The following SCNN1G variants were observed in gnomAD, a reference collection of about 807,000 sequenced individuals.
The protein encoded by SCNN1G is epithelial sodium channel subunit gamma.
In SCNN1G, 27 loss-of-function variants were observed where a neutral mutation model predicts 64.6. That is an observed-to-expected ratio of 0.42 (90% confidence interval 0.31 to 0.58). The LOEUF is 0.58. Among genes scored for constraint, SCNN1G ranks in the 20% least tolerant of loss-of-function variants. The probability of loss-of-function intolerance (pLI) is 0.18; values close to 1 mark genes in which losing one functional copy is unlikely to be tolerated. For synonymous variants in SCNN1G, 330 were observed against 314.2 expected (o/e 1.05, Z -0.53); for missense variants, 743 against 823.4 (o/e 0.90, Z 1.19).
rs1338749970 is a variant in SCNN1G, at chr16:23,212,865, C to A, written c.1402C>A (p.Leu468Met). The A allele has an allele frequency of 8.7e-6, 14 of 1,614,068 alleles. No individual in the cohort carries two copies. In the East Asian group the frequency reaches 3.1e-4, roughly 36 times the overall value. The change falls in exon 10 of 13, where the codon CTG (leucine) becomes ATG (methionine). Residue 468 changes from leucine to methionine, a missense_variant. By Grantham distance (15) the Leu-to-Met change is conservative. Coordinates refer to ENST00000300061, the MANE Select transcript of SCNN1G (RefSeq NM_001039.4). Reference protein sequence around the residue: ...SFKEWTLTTSLAQWPSVVSEK... With the variant: ...SFKEWTLTTSMAQWPSVVSEK... Reference sequence around the variant, plus strand: ...TAAAGAGTGGACACTAACCACAAGCCTGGCACAATGGCCATCTGTGGTTTC... The same window carrying A: ...TAAAGAGTGGACACTAACCACAAGCATGGCACAATGGCCATCTGTGGTTTC...
At chr16:23,183,855 AAGGGACTCCT>A (rs1959561824) in intron 1 of SCNN1G, among the ~76,000 whole-genome samples, 1 of 152,176 alleles carries the variant, frequency 6.6e-6, no homozygotes, top group Non-Finnish European at 1.5e-5. Flanking sequence ...TTAGTCGTTA[AAGGGACTCCT>A]AGGTGCAAAT....
chr16:23,204,350 G>GAT (rs1959956005), intron 6 of SCNN1G, among the ~76,000 whole-genome samples: 1 of 122,434 alleles, frequency 8.2e-6, no homozygotes. Context: ...GAGAGAGAGA[G>GAT]AGAGAGAGAG....
chr16:23,185,603 G>A (rs1341206085), intron 1 of SCNN1G, among the ~76,000 whole-genome samples: 3 of 152,182 alleles, frequency 2.0e-5, no homozygotes, highest in Non-Finnish European at 4.4e-5. Flanking sequence ...GAAACATTAA[G>A]AGCTTGACTG....
intron 3 of SCNN1G, among the ~76,000 whole-genome samples, chr16:23,190,733 C>T (rs1212748247): frequency 6.0e-5 from 9 of 150,854 alleles, no homozygotes; most frequent in Non-Finnish European, 1.0e-4. Flanking sequence ...AAGAAAAAGA[C>T]GGACAATAAA....
intron 4 of SCNN1G, among the ~76,000 whole-genome samples, chr16:23,192,892 G>A (rs759935140): frequency 6.6e-6 from 1 of 151,030 alleles, no homozygotes; most frequent in Non-Finnish European, 1.5e-5. Context: ...AACATAGCGA[G>A]ACCCCGTCTC....
At chr16:23,203,718 C>T (rs188075703) in intron 6 of SCNN1G, among the ~76,000 whole-genome samples, 1 of 124,886 alleles carries the variant, frequency 8.0e-6, no homozygotes, top group African/African-American at 3.0e-5. Flanking sequence ...TGCGGTGAGC[C>T]GAGATCATGC....
At chr16:23,185,698 A>T (rs1179635808) in intron 1 of SCNN1G, among the ~76,000 whole-genome samples, 1 of 152,206 alleles carries the variant, frequency 6.6e-6, no homozygotes, top group Non-Finnish European at 1.5e-5. Flanking sequence ...CAGGAACATG[A>T]TCTAAGGTGG....
At chr16:23,184,653 C>T (rs745342000) in intron 1 of SCNN1G, among the ~76,000 whole-genome samples, 56 of 152,126 alleles carry the variant, frequency 3.7e-4, no homozygotes, top group Non-Finnish European at 7.2e-4. Flanking sequence ...TCCTTTCCAT[C>T]TGAGGCCTTA....
In SCNN1G at chr16:23,216,479, G is replaced by A. The variant is rs1218920867; in HGVS notation, c.*1010G>A. 6.6e-6 allele frequency: 1 copy of A among 152,232 alleles called. No individual in the cohort carries two copies. Among genetic ancestry groups the A allele is most frequent in the East Asian group, 1.9e-4 (1 of 5,178 alleles). The allele number at this position is 152,232 out of a possible 1,614,324, so 9.4% of individuals were successfully genotyped here. On this transcript the variant is annotated 3_prime_UTR_variant, in exon 13 of 13. Coordinates refer to ENST00000300061, the MANE Select transcript of SCNN1G (RefSeq NM_001039.4). ...TCTTTCCACCTGAAATGGCTAACAG[G>A]TATTAAATCCTTGGTTGGTGTTTAA...
chr16:23,202,054 C>G (rs1596770832), intron 6 of SCNN1G, among the ~76,000 whole-genome samples: 1 of 152,272 alleles, frequency 6.6e-6, no homozygotes, highest in Admixed American at 6.5e-5. Context: ...TGGCCTCAAA[C>G]AGTCCTCCCA....
At chr16:23,204,344 G>GAGAT (rs1555474962) in intron 6 of SCNN1G, among the ~76,000 whole-genome samples, 20 of 110,806 alleles carry the variant, frequency 1.8e-4, no homozygotes, top group Non-Finnish European at 3.5e-4. Flanking sequence ...TAGAGAGAGA[G>GAGAT]AGAGAGAGAG....
At position 23,212,739 on chromosome 16, in the gene SCNN1G, G is replaced by C. The variant is rs1378588206; in HGVS notation, c.1356G>C (p.Val452=). 11 of 1,614,206 alleles carry C rather than the reference G, an allele frequency of 6.8e-6. No homozygotes were observed. Among genetic ancestry groups the C allele is most frequent in the Middle Eastern group, 1.6e-4 (1 of 6,062 alleles). The change falls in exon 9 of 13, where the codon GTG becomes GTC. Residue 452 remains valine, a synonymous_variant. Transcript: ENST00000300061. Reference sequence around the variant, plus strand: ...AGGAAGAGCTGGGCTGCCAGTCTGTGTGCAAGGAAGCCTGCAGGTATGTGG... The same window carrying C: ...AGGAAGAGCTGGGCTGCCAGTCTGTCTGCAAGGAAGCCTGCAGGTATGTGG... The part of the protein sequence containing the change: ...FVQEELGCQS[V]CKEACSFKEW...
At chr16:23,206,509 G>A (rs8044686) in intron 6 of SCNN1G, among the ~76,000 whole-genome samples, 53,841 of 151,972 alleles carry the variant, frequency 0.35, 10,232 homozygotes, top group East Asian at 0.72. Context: ...TAGCACTTTG[G>A]GAGGCTGAGG....
chr16:23,202,209 A>G (rs1412348294), intron 6 of SCNN1G, among the ~76,000 whole-genome samples: 2 of 147,800 alleles, frequency 1.4e-5, no homozygotes, highest in Non-Finnish European at 3.0e-5. Flanking sequence ...TTCTTAGAAC[A>G]TAACAGATCC....
rs955673739 is a variant in SCNN1G at position 23,192,483 on chromosome 16, C to T, written c.750C>T (p.Ser250=). 3 of 1,613,232 alleles carry T rather than the reference C, an allele frequency of 1.9e-6. No homozygotes were observed. Among genetic ancestry groups the T allele is most frequent in the African/African-American group, 1.3e-5 (1 of 74,900 alleles). The change falls in exon 4 of 13, where the codon AGC becomes AGT. Residue 250 remains serine, a synonymous_variant. Transcript: ENST00000300061. ...QVPLEKKINM[S]YSAEELLVTC... Reference sequence around the variant, plus strand: ...CTCTGGAGAAGAAAATCAACATGAGCTATTCTGCTGAGGAGCTGCTGGTGA... The same window carrying T: ...CTCTGGAGAAGAAAATCAACATGAGTTATTCTGCTGAGGAGCTGCTGGTGA...
intron 1 of SCNN1G, among the ~76,000 whole-genome samples, chr16:23,185,398 A>G (rs1959589766): frequency 6.6e-6 from 1 of 152,230 alleles, no homozygotes; most frequent in Non-Finnish European, 1.5e-5. Flanking sequence ...TAAAGTTTGT[A>G]TAGTTGAGAT....
At chr16:23,187,126 G>A (rs1336796800) in intron 2 of SCNN1G, among the ~76,000 whole-genome samples, 10 of 51,814 alleles carry the variant, frequency 1.9e-4, no homozygotes, top group Non-Finnish European at 3.6e-4. Context: ...TTTTTTTTTT[G>A]GAGGCAGGGT....
At chr16:23,194,548 G>A (rs1404844053) in intron 5 of SCNN1G, among the ~76,000 whole-genome samples, 1 of 152,200 alleles carries the variant, frequency 6.6e-6, no homozygotes, top group Non-Finnish European at 1.5e-5. Flanking sequence ...GAACTACTCT[G>A]GTTTAAACTC....
At chr16:23,183,414 G>A (rs1959554027) in intron 1 of SCNN1G, among the ~76,000 whole-genome samples, 1 of 152,188 alleles carries the variant, frequency 6.6e-6, no homozygotes, top group Admixed American at 6.5e-5. Flanking sequence ...CTTCGGGACG[G>A]GCACTGATCG....
Sources: allele counts gnomAD v4.1 joint callset (sites outside exome capture counted in the v4.1 genomes callset), GRCh38; gene constraint gnomAD v4.1.1; transcripts MANE v1.5; gene names NCBI Gene and HGNC (gene_info 2026-07-23, HGNC 2026-07-21).